Variants in VPS13A observed in about 807,000 individuals in gnomAD.
The protein encoded by VPS13A is intermembrane lipid transfer protein VPS13A.
Under a neutral mutation model 390.9 loss-of-function variants are expected in VPS13A, and 264 were observed. The observed-to-expected ratio is 0.68, with a 90% CI of 0.61 to 0.75. The LOEUF (loss-of-function observed/expected upper bound fraction) is 0.75. Among genes scored for constraint, VPS13A ranks in the 30% least tolerant of loss-of-function variants. The probability of loss-of-function intolerance (pLI) is 0.00; values close to 1 mark genes in which losing one functional copy is unlikely to be tolerated. For missense variants in VPS13A, 3,409 were observed against 3,733.9 expected, an observed-to-expected ratio of 0.91 and a Z score of 2.27; for synonymous variants, 1,231 against 1,227.1, an observed-to-expected ratio of 1.00 and a Z score of -0.07.
chr9:77,247,062 A>G (rs1354889829), intron 19 of VPS13A, among the ~76,000 whole-genome samples, 197 bp from the exon 20 acceptor site: 1 of 151,982 alleles, frequency 6.6e-6, no homozygotes, highest in Non-Finnish European at 1.5e-5. Context: ...CCAATTTTGT[A>G]CTCAGCTATA....
intron 31 of VPS13A, among the ~76,000 whole-genome samples, chr9:77,286,679 C>T (rs1321719952): frequency 6.6e-6 from 1 of 152,160 alleles, no homozygotes; most frequent in Non-Finnish European, 1.5e-5. Context: ...TAATTTGAAG[C>T]TTTATGTAGG....
In VPS13A at chr9:77,360,637, C is replaced by G; in HGVS notation, c.8207C>G (p.Thr2736Arg). ...LMTEAEVTENTEVELFHKDIE... is the reference protein window; with the variant it reads ...LMTEAEVTENREVELFHKDIE... ...ACAGAAGCTGAGGTGACTGAAAATACAGAGGTAAGACTTAAAATAATAACA... is the reference window on the plus strand; with the variant it reads ...ACAGAAGCTGAGGTGACTGAAAATAGAGAGGTAAGACTTAAAATAATAACA... The change falls in exon 59 of 72, where the codon ACA becomes AGA. Residue 2736 changes from threonine (T) to arginine (R), a missense_variant. Thr to Arg is a moderately conservative substitution (Grantham distance 71). Around this residue, in one of 5 missense-constraint regions of VPS13A, gnomAD observed 221 missense variants for 300.7 expected, o/e 0.73. Coordinates refer to ENST00000360280, the MANE Select transcript of VPS13A (RefSeq NM_033305.3). 1 of 1,604,102 alleles carries G rather than the reference C, an allele frequency of 6.2e-7. No homozygotes were observed. Among genetic ancestry groups the G allele is most frequent in the Non-Finnish European group, 8.5e-7 (1 of 1,171,532 alleles).
intron 21 of VPS13A, among the ~76,000 whole-genome samples, chr9:77,251,785 G>A (rs987492464): frequency 4.6e-5 from 7 of 152,066 alleles, no homozygotes; most frequent in African/African-American, 1.2e-4. Context: ...AGACTTGGAT[G>A]TGAATTTCAG....
intron 3 of VPS13A, among the ~76,000 whole-genome samples, chr9:77,203,048 A>G (rs1218033880): frequency 1.3e-5 from 2 of 152,230 alleles, no homozygotes; most frequent in Admixed American, 1.3e-4. Context: ...ATGATACAGT[A>G]GTACAATCAG....
chr9:77,177,631 A>T lies in VPS13A; in HGVS notation c.-74A>T. The T allele has an allele frequency of 7.2e-7, 1 of 1,393,504 alleles. No homozygotes were observed. Among genetic ancestry groups the T allele is most frequent in the South Asian group, 1.2e-5 (1 of 86,074 alleles). The allele number at this position is 1,393,504 out of a possible 1,614,324, so 86.3% of individuals were successfully genotyped here. The stretch of plus-strand genomic sequence containing the variant: ...GGAGCCGGTGAACCGAATTACCTCG[A>T]GGGAGGGGCGTGGGGAAGGCGGCGG... On this transcript the variant is annotated 5_prime_UTR_variant, in exon 1 of 72. Coordinates refer to ENST00000360280, the MANE Select transcript of VPS13A (RefSeq NM_033305.3).
intron 67 of VPS13A, among the ~76,000 whole-genome samples, chr9:77,380,998 T>G (rs1833401948): frequency 6.6e-6 from 1 of 152,232 alleles, no homozygotes; most frequent in Admixed American, 6.5e-5. Flanking sequence ...TCAAGTCCCA[T>G]GGGTTGGGGA....
At chr9:77,283,217 C>CT in intron 29 of VPS13A, 138 bp from the exon 30 acceptor site, 1 of 594,858 alleles carries the variant, frequency 1.7e-6, no homozygotes, top group Non-Finnish European at 3.0e-6. Context: ...AATATCATAC[C>CT]TTGCTTTCAA....
intron 47 of VPS13A, chr9:77,337,973 G>C (rs1830623837): frequency 6.4e-6 from 1 of 155,202 alleles, no homozygotes; most frequent in East Asian, 1.9e-4. Flanking sequence ...ATTACCATTT[G>C]CTTTTTAAAA....
intron 26 of VPS13A, among the ~76,000 whole-genome samples, chr9:77,278,651 TA>T (rs1427115876): frequency 1.3e-5 from 2 of 152,220 alleles, no homozygotes; most frequent in Non-Finnish European, 2.9e-5. Context: ...GTTTATGTGC[TA>T]AGCATTAGGT....
At position 77,278,251 on chromosome 9, in the gene VPS13A, T is replaced by A. The variant is rs185148751; in HGVS notation, c.2825-1908T>A. 8.2e-3 allele frequency among the ~76,000 whole-genome samples: 1,215 copies of A among 148,060 alleles called. 23 individuals are homozygous for A. Among genetic ancestry groups the A allele is most frequent in the African/African-American group, 0.029 (1,166 of 40,490 alleles). On this transcript the variant is annotated intron_variant, in intron 26 of 71. Coordinates refer to ENST00000360280, the MANE Select transcript of VPS13A (RefSeq NM_033305.3). Reference sequence around the variant, plus strand: ...ACGCCCAGCTAATTTTTTTTTTTTTTTTTTTTTGTATTTTTAGTAGAGACG... The same window carrying A: ...ACGCCCAGCTAATTTTTTTTTTTTTATTTTTTTGTATTTTTAGTAGAGACG...
At chr9:77,292,375 C>T (rs1827728969) in intron 31 of VPS13A, among the ~76,000 whole-genome samples, 1 of 152,040 alleles carries the variant, frequency 6.6e-6, no homozygotes, top group Admixed American at 6.5e-5. Flanking sequence ...CTGAAGGTAC[C>T]TGTTTGTCCT....
At chr9:77,178,105 G>A in intron 1 of VPS13A, 1 of 362,294 alleles carries the variant, frequency 2.8e-6, no homozygotes, top group South Asian at 2.3e-5. Context: ...AAGTCCCGGC[G>A]AGGGGCCGTT....
intron 1 of VPS13A, among the ~76,000 whole-genome samples, chr9:77,183,284 C>T (rs1330188974): frequency 1.3e-5 from 2 of 152,168 alleles, no homozygotes; most frequent in African/African-American, 4.8e-5. Flanking sequence ...CATATATGTG[C>T]ATGCAGGTAA....
chr9:77,201,016 T>C (rs982074531), intron 2 of VPS13A, among the ~76,000 whole-genome samples: 3 of 152,148 alleles, frequency 2.0e-5, no homozygotes, highest in African/African-American at 7.2e-5. Context: ...TTTTGCAAAA[T>C]AGAGTTTTAA....
At chr9:77,280,906 A>G (rs1245388698) in intron 27 of VPS13A, among the ~76,000 whole-genome samples, 1 of 152,190 alleles carries the variant, frequency 6.6e-6, no homozygotes, top group Non-Finnish European at 1.5e-5. Context: ...GAAAATGGAT[A>G]AAGAAAATGT....
At chr9:77,292,941 A>G (rs1176001172) in intron 31 of VPS13A, among the ~76,000 whole-genome samples, 1 of 152,222 alleles carries the variant, frequency 6.6e-6, no homozygotes, top group Non-Finnish European at 1.5e-5. Context: ...AATCAGGAAT[A>G]GATTTCAGTA....
intron 47 of VPS13A, 116 bp from the exon 48 acceptor site, chr9:77,339,400 C>G (rs1830696596): frequency 2.1e-6 from 2 of 959,862 alleles, no homozygotes; most frequent in Non-Finnish European, 3.1e-6. Flanking sequence ...CTGACTTGTT[C>G]TGATAGGTAT....
rs751917604 is a variant in VPS13A, at chr9:77,252,318, A to G, written c.2254A>G (p.Lys752Glu). ...CATGCACTTCAATTTGGAACTGTCT[A>G]AGGCCATGGTTTTCATGGATGTAAG... is the stretch of plus-strand genomic sequence containing the variant. Reference protein sequence around the residue: ...VPMHFNLELSKAMVFMDVRMP... With the variant: ...VPMHFNLELSEAMVFMDVRMP... The change falls in exon 22 of 72, where the codon AAG (lysine) becomes GAG (glutamate). Residue 752 changes from lysine to glutamate, a missense_variant. By Grantham distance (56) the Lys-to-Glu change is moderately conservative. Around this residue, in one of 5 missense-constraint regions of VPS13A, gnomAD observed 2,717 missense variants for 2,917.4 expected, o/e 0.93. Coordinates refer to ENST00000360280, the MANE Select transcript of VPS13A (RefSeq NM_033305.3). 3.3e-5 allele frequency: 53 copies of G among 1,613,836 alleles called. No individual in the cohort carries two copies. In the East Asian group the frequency reaches 1.0e-3, roughly 31 times the overall value.
At chr9:77,206,769 C>G (rs1342333235) in intron 5 of VPS13A, among the ~76,000 whole-genome samples, 5 of 152,008 alleles carry the variant, frequency 3.3e-5, no homozygotes, top group Admixed American at 3.3e-4. Flanking sequence ...TGTTTATGTT[C>G]TTCTCCTCTG....
Sources: gnomAD v4.1 joint callset for allele counts (sites outside exome capture counted in the v4.1 genomes callset) on GRCh38, gnomAD v4.1.1 for gene constraint, gnomAD v4.1.1 regional missense constraint, MANE v1.5 for transcripts, NCBI Gene and HGNC (gene_info 2026-07-23, HGNC 2026-07-21) for gene names.